Variants in NCOA2 observed in about 807,000 individuals in gnomAD.
NCOA2 encodes class E basic helix-loop-helix protein 75.
Under a neutral mutation model 145.1 loss-of-function variants are expected in NCOA2, and 21 were observed. The observed-to-expected ratio is 0.14, with a 90% CI of 0.10 to 0.21. The LOEUF (loss-of-function observed/expected upper bound fraction) is 0.21, where lower values mean the gene tolerates loss of function less well. Among genes scored for constraint, NCOA2 ranks in the 10% least tolerant of loss-of-function variants. The pLI is 1.00. For synonymous variants in NCOA2, 619 were observed against 637.5 expected (o/e 0.97, Z 0.44); for missense variants, 1,472 against 1,837.6 (o/e 0.80, Z 3.64).
At chr8:70,364,413 GCT>G (rs1359515483) in intron 1 of NCOA2, among the ~76,000 whole-genome samples, 1 of 152,200 alleles carries the variant, frequency 6.6e-6, no homozygotes, top group Admixed American at 6.5e-5. Flanking sequence ...GGTAACACCA[GCT>G]CTGACTTTTT....
At chr8:70,273,738 T>C in intron 2 of NCOA2, 1 of 612,324 alleles carries the variant, frequency 1.6e-6, no homozygotes, top group Non-Finnish European at 3.1e-6. Context: ...GTCCAAACAA[T>C]CTGTGGGTGG....
chr8:70,320,029 T>A (rs1386854798), intron 1 of NCOA2, among the ~76,000 whole-genome samples: 1 of 152,198 alleles, frequency 6.6e-6, no homozygotes, highest in Non-Finnish European at 1.5e-5. Context: ...AATGAATAAA[T>A]TAGGTGAATG....
the NCOA2 span, among the ~76,000 whole-genome samples, chr8:70,426,798 G>T: frequency 2.6e-5 from 4 of 152,144 alleles, no homozygotes; most frequent in South Asian, 2.1e-4. Flanking sequence ...CTCTGAATTG[G>T]TTTTTGGTTT....
intron 22 of NCOA2, among the ~76,000 whole-genome samples, chr8:70,115,969 G>A (rs564295815): frequency 6.7e-6 from 1 of 148,724 alleles, no homozygotes; most frequent in Non-Finnish European, 1.5e-5. Flanking sequence ...GGCAGATCAT[G>A]AGGTTAGGAG....
chr8:70,267,370 A>C (rs1824688905), intron 2 of NCOA2, among the ~76,000 whole-genome samples: 1 of 151,204 alleles, frequency 6.6e-6, no homozygotes, highest in Admixed American at 6.6e-5. Context: ...CAGAAGAGCT[A>C]ATAAAGATCT....
At chr8:70,172,358 T>C (rs983533983) in intron 5 of NCOA2, among the ~76,000 whole-genome samples, 4 of 152,248 alleles carry the variant, frequency 2.6e-5, no homozygotes, top group Non-Finnish European at 5.9e-5. Context: ...CCCTAGTTTG[T>C]TTTTCCCTTA....
upstream of NCOA2, among the ~76,000 whole-genome samples, chr8:70,405,584 C>A (rs1029128827): frequency 1.3e-5 from 2 of 150,564 alleles, no homozygotes; most frequent in African/African-American, 2.4e-5. Context: ...GGGTAGTAGT[C>A]ACCTGAGGTT....
chr8:70,150,186 T>C (rs1289624418), intron 11 of NCOA2, among the ~76,000 whole-genome samples: 1 of 152,230 alleles, frequency 6.6e-6, no homozygotes, highest in Non-Finnish European at 1.5e-5. Flanking sequence ...ATTTTTTAGC[T>C]AGTTTAGCCA....
At chr8:70,230,435 C>T (rs1821033594) in intron 2 of NCOA2, among the ~76,000 whole-genome samples, 1 of 152,092 alleles carries the variant, frequency 6.6e-6, no homozygotes, top group Non-Finnish European at 1.5e-5. Context: ...CTGAATACTC[C>T]TGAATTGTAC....
Position 70,157,018 on chromosome 8 carries a change from A to G in NCOA2, c.1347T>C (p.His449=), listed in dbSNP as rs200515104. The G allele has an allele frequency of 1.8e-5, 29 of 1,613,872 alleles. No individual in the cohort carries two copies. The highest frequency in any genetic ancestry group is 4.5e-5 in the East Asian group (2 of 44,880). ...GRFGGSGGMN[H]VSGMQATTPQ... ...GAGTGGTTGCTTGCATGCCTGACAC[A>G]TGGTTCATTCCCCCAGAACCACCAA... The change falls in exon 11 of 23, where the codon CAT becomes CAC. Residue 449 remains histidine, a synonymous_variant. Transcript: ENST00000452400.
At chr8:70,183,568 T>C (rs1815722321) in intron 4 of NCOA2, among the ~76,000 whole-genome samples, 1 of 152,204 alleles carries the variant, frequency 6.6e-6, no homozygotes. Flanking sequence ...ACCATAGCAA[T>C]ATTTAGTATC....
upstream of NCOA2, among the ~76,000 whole-genome samples, chr8:70,405,446 T>G (rs1001444166): frequency 3.3e-5 from 4 of 120,752 alleles, no homozygotes; most frequent in African/African-American, 1.1e-4. Context: ...GGTTTTTTTT[T>G]TTTTTTTTTT....
chr8:70,282,119 T>C (rs1825930977), intron 2 of NCOA2, among the ~76,000 whole-genome samples: 1 of 152,200 alleles, frequency 6.6e-6, no homozygotes, highest in African/African-American at 2.4e-5. Context: ...TGTACATATA[T>C]ATGCTGATTT....
intron 1 of NCOA2, among the ~76,000 whole-genome samples, chr8:70,383,944 G>A (rs1812445400): frequency 6.6e-6 from 1 of 152,102 alleles, no homozygotes; most frequent in African/African-American, 2.4e-5. Flanking sequence ...CTTTCCCTGT[G>A]GATCTGGAAA....
chr8:70,328,575 G>C (rs915930307), intron 1 of NCOA2, among the ~76,000 whole-genome samples: 6 of 152,044 alleles, frequency 3.9e-5, no homozygotes, highest in Non-Finnish European at 8.8e-5. Flanking sequence ...ATTAATATCA[G>C]TGATTAAGCA....
intron 2 of NCOA2, among the ~76,000 whole-genome samples, chr8:70,280,060 T>C (rs1015036249): frequency 6.6e-6 from 1 of 152,342 alleles, no homozygotes; most frequent in Admixed American, 6.5e-5. Flanking sequence ...TCTTCTTGTG[T>C]TAGTCTACCT....
intron 4 of NCOA2, among the ~76,000 whole-genome samples, chr8:70,213,160 G>C (rs945007949): frequency 6.8e-6 from 1 of 147,018 alleles, no homozygotes; most frequent in African/African-American, 2.5e-5. Flanking sequence ...CTAAAGAAAA[G>C]CAGTACACAG....
At chr8:70,116,673 T>C (rs1214810466) in intron 22 of NCOA2, among the ~76,000 whole-genome samples, 2 of 152,242 alleles carry the variant, frequency 1.3e-5, no homozygotes, top group Non-Finnish European at 2.9e-5. Flanking sequence ...CAAATCCAAG[T>C]AACTTCCGGT....
intron 1 of NCOA2, among the ~76,000 whole-genome samples, chr8:70,339,461 T>A (rs951046744): frequency 6.6e-6 from 1 of 152,162 alleles, no homozygotes; most frequent in African/African-American, 2.4e-5. Flanking sequence ...AAACATCCCA[T>A]GCTCATGGAT....
Sources: gnomAD v4.1 joint callset for allele counts (sites outside exome capture counted in the v4.1 genomes callset) on GRCh38, gnomAD v4.1.1 for gene constraint, MANE v1.5 for transcripts, NCBI Gene and HGNC (gene_info 2026-07-23, HGNC 2026-07-21) for gene names.